Variants in KHDRBS2 observed in about 807,000 individuals in gnomAD.
KHDRBS2 encodes the protein KH RNA binding domain containing, signal transduction associated 2, also known as KH domain-containing, RNA-binding, signal transduction-associated protein 2.
KHDRBS2 carries 26 observed loss-of-function variants against 44.3 expected under a neutral mutation model. The observed-to-expected ratio is 0.59, with a 90% CI of 0.43 to 0.81. The LOEUF (loss-of-function observed/expected upper bound fraction) is 0.81. Ranked by LOEUF, KHDRBS2 falls within the 40% of genes least tolerant of loss-of-function variation. The probability of loss-of-function intolerance (pLI) is 0.00; values close to 1 mark genes in which losing one functional copy is unlikely to be tolerated. For synonymous variants in KHDRBS2, 194 were observed against 151.1 expected (o/e 1.28, Z -2.08); for missense variants, 476 against 433.1 (o/e 1.10, Z -0.88).
chr6:61,709,246 T>C (rs545737139), intron 7 of KHDRBS2, among the ~76,000 whole-genome samples: 1 of 151,782 alleles, frequency 6.6e-6, no homozygotes, highest in Admixed American at 6.6e-5. Context: ...AATAACCATA[T>C]ATGCCCTCTT....
At chr6:62,081,680 C>A (rs970251786) in intron 2 of KHDRBS2, among the ~76,000 whole-genome samples, 6 of 152,046 alleles carry the variant, frequency 3.9e-5, no homozygotes, top group African/African-American at 7.2e-5. Flanking sequence ...CAGAACATAT[C>A]TTTATGTAAA....
intron 8 of KHDRBS2, among the ~76,000 whole-genome samples, chr6:61,687,889 G>A (rs1766993648): frequency 6.6e-6 from 1 of 151,532 alleles, no homozygotes; most frequent in South Asian, 2.1e-4. Context: ...TGTTTTCCCA[G>A]GTGAGGCCAC....
chr6:61,776,789 T>C (rs142542603), intron 6 of KHDRBS2, among the ~76,000 whole-genome samples: 1,768 of 152,264 alleles, frequency 0.012, 38 homozygotes, highest in African/African-American at 0.041. Context: ...CATTATTGGG[T>C]ATATACCCAA....
intron 2 of KHDRBS2, among the ~76,000 whole-genome samples, chr6:62,152,081 A>G (rs1231292365): frequency 6.6e-6 from 1 of 152,106 alleles, no homozygotes; most frequent in Admixed American, 6.6e-5. Context: ...GCACTTTGGG[A>G]GTCCGAGGCG....
At chr6:61,913,653 G>A (rs1806441637) in intron 4 of KHDRBS2, among the ~76,000 whole-genome samples, 1 of 151,994 alleles carries the variant, frequency 6.6e-6, no homozygotes, top group Admixed American at 6.6e-5. Flanking sequence ...AGTAATCTTA[G>A]TTCAGAGAGT....
At chr6:62,258,027 G>T (rs1019482847) in intron 1 of KHDRBS2, among the ~76,000 whole-genome samples, 2 of 151,970 alleles carry the variant, frequency 1.3e-5, no homozygotes, top group African/African-American at 4.8e-5. Context: ...TTTGAGTGCC[G>T]ACATGATGCC....
At chr6:61,665,442 G>A in the KHDRBS2 span, among the ~76,000 whole-genome samples, 1 of 151,272 alleles carries the variant, frequency 6.6e-6, no homozygotes, top group African/African-American at 2.4e-5. Context: ...CAGGTTGTTG[G>A]CTAATTCTGG....
chr6:61,933,462 C>T (rs1168421233), intron 4 of KHDRBS2, among the ~76,000 whole-genome samples: 2 of 152,100 alleles, frequency 1.3e-5, no homozygotes, highest in Admixed American at 6.5e-5. Flanking sequence ...GATTTCAATT[C>T]CTTTGAATAT....
At chr6:61,694,530 T>G (rs1337544392) in intron 8 of KHDRBS2, among the ~76,000 whole-genome samples, 3 of 152,188 alleles carry the variant, frequency 2.0e-5, no homozygotes, top group Admixed American at 1.3e-4. Context: ...TGTACAAGGC[T>G]TGCGGCCTCA....
intron 2 of KHDRBS2, among the ~76,000 whole-genome samples, chr6:62,129,547 C>T (rs1485778684): frequency 6.6e-6 from 1 of 151,968 alleles, no homozygotes; most frequent in Admixed American, 6.6e-5. Flanking sequence ...TAACAACTTC[C>T]AAGTTTAAAA....
chr6:61,689,435 G>C (rs1767156414), intron 8 of KHDRBS2, among the ~76,000 whole-genome samples: 1 of 151,968 alleles, frequency 6.6e-6, no homozygotes, highest in African/African-American at 2.4e-5. Flanking sequence ...TGTGAGTGTT[G>C]TATGAAGTAG....
chr6:61,544,079 G>A, the KHDRBS2 span, among the ~76,000 whole-genome samples: 260 of 152,084 alleles, frequency 1.7e-3, no homozygotes, highest in Non-Finnish European at 2.9e-3. Flanking sequence ...AACAATTCAA[G>A]TGTACATTTA....
intron 8 of KHDRBS2, among the ~76,000 whole-genome samples, chr6:61,693,219 T>C (rs1767558004): frequency 6.6e-6 from 1 of 152,154 alleles, no homozygotes; most frequent in African/African-American, 2.4e-5. Context: ...CTGCTCATCA[T>C]CTGTATTTAC....
intron 2 of KHDRBS2, among the ~76,000 whole-genome samples, chr6:62,130,419 C>A (rs143224987): frequency 6.6e-6 from 1 of 152,200 alleles, no homozygotes; most frequent in East Asian, 1.9e-4. Flanking sequence ...TACTTAAATT[C>A]TTGATTCATT....
At chr6:61,584,946 T>C in the KHDRBS2 span, among the ~76,000 whole-genome samples, 1 of 152,018 alleles carries the variant, frequency 6.6e-6, no homozygotes, top group East Asian at 1.9e-4. Flanking sequence ...TTCTTTTTCA[T>C]ATTGACACTT....
chr6:62,216,939 T>C (rs1830102849), intron 1 of KHDRBS2, among the ~76,000 whole-genome samples: 3 of 150,454 alleles, frequency 2.0e-5, no homozygotes. Flanking sequence ...GGTTATAGGG[T>C]TTGGTATCAG....
At chr6:62,191,099 C>T (rs1342992125) in intron 1 of KHDRBS2, among the ~76,000 whole-genome samples, 2 of 152,134 alleles carry the variant, frequency 1.3e-5, no homozygotes, top group African/African-American at 2.4e-5. Flanking sequence ...TGTGTTTATT[C>T]CCTGGCTGTA....
At chr6:61,783,785 ATAG>A (rs917706189) in intron 6 of KHDRBS2, among the ~76,000 whole-genome samples, 3 of 152,100 alleles carry the variant, frequency 2.0e-5, no homozygotes, top group South Asian at 2.1e-4. Flanking sequence ...GAGATTAATA[ATAG>A]TAGTCATTAC....
intron 2 of KHDRBS2, among the ~76,000 whole-genome samples, chr6:62,123,175 T>C (rs1251966298): frequency 1.3e-5 from 2 of 152,326 alleles, no homozygotes; most frequent in Admixed American, 1.3e-4. Context: ...TGTGATAGTT[T>C]GCTAAGAATG....
Sources: gnomAD v4.1 joint callset for allele counts (sites outside exome capture counted in the v4.1 genomes callset) on GRCh38, gnomAD v4.1.1 for gene constraint, MANE v1.5 for transcripts, NCBI Gene and HGNC (gene_info 2026-07-23, HGNC 2026-07-21) for gene names.